The following DYNC2I2 variants were observed in gnomAD, a reference collection of about 807,000 sequenced individuals.
DYNC2I2 encodes the protein cytoplasmic dynein 2 intermediate chain 2.
In DYNC2I2, 39 loss-of-function variants were observed where a neutral mutation model predicts 52.0. The ratio of observed to expected loss-of-function variants is 0.75; its 90% CI spans 0.58 to 0.98. The LOEUF (loss-of-function observed/expected upper bound fraction) is 0.98. DYNC2I2 is among the 50% of genes least tolerant of loss of function. DYNC2I2 has a pLI of 0.00. For missense variants in DYNC2I2, 743 were observed against 728.4 expected (o/e 1.02, Z -0.23); for synonymous variants, 359 against 321.1 (o/e 1.12, Z -1.26).
the DYNC2I2 span, among the ~76,000 whole-genome samples, chr9:128,680,652 C>T: frequency 6.6e-6 from 1 of 151,820 alleles, no homozygotes; most frequent in Non-Finnish European, 1.5e-5. Context: ...GCTGGGATTA[C>T]AGGTGTGAGC....
intron 1 of DYNC2I2, among the ~76,000 whole-genome samples, chr9:128,652,389 G>A (rs534304538): frequency 7.1e-6 from 1 of 141,164 alleles, no homozygotes; most frequent in Non-Finnish European, 1.5e-5. Flanking sequence ...CTGAGATCAT[G>A]CCATTAAACT....
At chr9:128,653,398 CG>C (rs1218529604) in intron 1 of DYNC2I2, among the ~76,000 whole-genome samples, 5 of 150,526 alleles carry the variant, frequency 3.3e-5, no homozygotes, top group African/African-American at 5.0e-5. Flanking sequence ...GCCAATATGG[CG>C]AAACCCCGTC....
chr9:128,646,061 G>T (rs1433441608), intron 1 of DYNC2I2, among the ~76,000 whole-genome samples: 2 of 152,208 alleles, frequency 1.3e-5, no homozygotes, highest in African/African-American at 4.8e-5. Context: ...TGGCTCATGA[G>T]GTTTAAGGGA....
At chr9:128,680,777 T>C in the DYNC2I2 span, among the ~76,000 whole-genome samples, 1 of 150,602 alleles carries the variant, frequency 6.6e-6, no homozygotes, top group East Asian at 2.0e-4. Flanking sequence ...TGGGTTCAAG[T>C]AATTCTCCTG....
At chr9:128,675,442 A>G in the DYNC2I2 span, among the ~76,000 whole-genome samples, 1 of 152,114 alleles carries the variant, frequency 6.6e-6, no homozygotes, top group Non-Finnish European at 1.5e-5. Flanking sequence ...AGCTTCCCAA[A>G]GTGCTGGGAT....
At position 128,640,748 on chromosome 9, in the gene DYNC2I2, A is replaced by G. The variant is rs1860498550; in HGVS notation, c.378T>C (p.Asn126=). 2 of 1,614,146 alleles carry G rather than the reference A, an allele frequency of 1.2e-6. No homozygotes were observed. The highest frequency in any genetic ancestry group is 1.7e-6 in the Non-Finnish European group (2 of 1,180,020). Residue 126 remains asparagine (N), a synonymous_variant, in exon 2 of 9, where the codon AAT becomes AAC. Transcript: ENST00000372715. ...EAMVIRELNK[N]WQSHAFDGFE... ...AGCCATCAAACGCGTGGCTCTGCCA[A>G]TTCTTGTTCAGCTCTCGGATGACCA... is the stretch of plus-strand genomic sequence containing the variant.
At chr9:128,683,904 T>G in the DYNC2I2 span, 1 of 1,552,030 alleles carries the variant, frequency 6.4e-7, no homozygotes, top group African/African-American at 1.4e-5. Flanking sequence ...GCATGGCCCC[T>G]AAACGCCAGT....
At position 128,640,895 on chromosome 9, in the gene DYNC2I2, G is replaced by A. The variant is rs777826683; in HGVS notation, c.231C>T (p.Ala77=). 6.2e-7 allele frequency: 1 copy of A among 1,608,540 alleles called. No individual in the cohort carries two copies. Among genetic ancestry groups the A allele is most frequent in the South Asian group, 1.1e-5 (1 of 90,788 alleles). The change falls in exon 2 of 9, where the codon GCC becomes GCT. Residue 77 remains alanine (A), a synonymous_variant. Coordinates refer to ENST00000372715, the MANE Select transcript of DYNC2I2 (RefSeq NM_052844.4). The part of the protein sequence containing the change: ...TASIATASAS[A]QARNHVDAQV... ...GGGCGTCCACATGATTCCTGGCCTG[G>A]GCGGATGCACTGGCAGTGGCAATGC...
the DYNC2I2 span, among the ~76,000 whole-genome samples, chr9:128,668,883 T>C: frequency 2.6e-5 from 4 of 151,172 alleles, no homozygotes; most frequent in Non-Finnish European, 5.9e-5. Flanking sequence ...AATAAAATAC[T>C]TACCGGGACA....
chr9:128,674,369 C>T, the DYNC2I2 span, among the ~76,000 whole-genome samples: 16 of 151,322 alleles, frequency 1.1e-4, no homozygotes, highest in South Asian at 3.3e-3. Flanking sequence ...TTCCTGACCT[C>T]GTGATCCGCC....
At position 128,636,007 on chromosome 9, in the gene DYNC2I2, C is replaced by A. The variant is rs573444962; in HGVS notation, c.704-240G>T. ...CAGCTCCCTCCAGCGTTGCCTGCCC[C>A]CTACCACTGACGGCTTCCCAAGGGC... On this transcript the variant is annotated intron_variant, in intron 4 of 8. Transcript: ENST00000372715. 4.6e-3 allele frequency: 3,174 copies of A among 690,250 alleles called. 42 individuals are homozygous for A. In the Middle Eastern group the frequency reaches 0.048, roughly 10 times the overall value. The allele number at this position is 690,250 out of a possible 1,614,324, so 42.8% of individuals were successfully genotyped here.
chr9:128,655,591 G>C lies in DYNC2I2; in HGVS notation c.186+950C>G, dbSNP rs1342277374. On this transcript the variant is annotated intron_variant, in intron 1 of 8. Coordinates refer to ENST00000372715, the MANE Select transcript of DYNC2I2 (RefSeq NM_052844.4). ...CTACTACACTCCAGCCTGGGCGACA[G>C]AGTGAGACTCTGTCTCAAAAAAAAG... 3.4e-5 allele frequency among the ~76,000 whole-genome samples: 5 copies of C among 147,740 alleles called. No individual in the cohort carries two copies. The South Asian group carries it at 8.6e-4, about 25-fold the overall frequency.
At chr9:128,661,176 T>A (rs1439006593), upstream of DYNC2I2, among the ~76,000 whole-genome samples, 1 of 149,518 alleles carries the variant, frequency 6.7e-6, no homozygotes, top group Non-Finnish European at 1.5e-5. Context: ...ACCCTGTCTC[T>A]ACTAAAAATA....
chr9:128,636,329 C>T lies in DYNC2I2; in HGVS notation c.655G>A (p.Ala219Thr), dbSNP rs767406769. 18 of 1,596,090 alleles carry T rather than the reference C, an allele frequency of 1.1e-5. No homozygotes were observed. Among genetic ancestry groups the T allele is most frequent in the Admixed American group, 1.7e-5 (1 of 57,342 alleles). The change falls in exon 4 of 9, where the codon GCT becomes ACT. Residue 219 changes from alanine to threonine, a missense_variant. Ala to Thr is a moderately conservative substitution (Grantham distance 58, BLOSUM62 0). Coordinates refer to ENST00000372715, the MANE Select transcript of DYNC2I2 (RefSeq NM_052844.4). ...QPSAVVEVPS[A>T]VLCLAFHPTQ... is the part of the protein sequence containing the mutation. ...GGGTGGAAGGCCAGACACAGGACAG[C>T]GCTGGGGACCTCCACCACGGCCGAC...
At position 128,656,733 on chromosome 9, in the gene DYNC2I2, G is replaced by T. The variant is rs763066546; in HGVS notation, c.-7C>A. Reference sequence around the variant, plus strand: ...GCTGCGCGCGGGTTGCCATGGAGACGGTTCCGCCCTCTCGTGCGGACGCAC... The same window carrying T: ...GCTGCGCGCGGGTTGCCATGGAGACTGTTCCGCCCTCTCGTGCGGACGCAC... On this transcript the variant is annotated 5_prime_UTR_variant, in exon 1 of 9. Transcript: ENST00000372715. 1.4e-6 allele frequency: 2 copies of T among 1,386,086 alleles called. No individual in the cohort carries two copies. The highest frequency in any genetic ancestry group is 3.0e-5 in the African/African-American group (2 of 66,608). 85.9% of individuals were successfully genotyped at this position (1,386,086 alleles called of 1,614,324 possible).
the DYNC2I2 span, among the ~76,000 whole-genome samples, chr9:128,675,719 G>A: frequency 1.3e-5 from 2 of 152,142 alleles, no homozygotes; most frequent in Non-Finnish European, 2.9e-5. Flanking sequence ...CTGGCCTTGG[G>A]GTTATGGAAC....
chr9:128,654,374 T>A (rs1214009183), intron 1 of DYNC2I2, among the ~76,000 whole-genome samples: 1 of 152,146 alleles, frequency 6.6e-6, no homozygotes, highest in African/African-American at 2.4e-5. Context: ...CAGCACCCAA[T>A]GCTGCTCATT....
chr9:128,647,293 T>A (rs1860633101), intron 1 of DYNC2I2, among the ~76,000 whole-genome samples: 1 of 152,068 alleles, frequency 6.6e-6, no homozygotes, highest in South Asian at 2.1e-4. Flanking sequence ...AGTGTGTGAC[T>A]AGCAAGAGGG....
chr9:128,678,966 G>C, the DYNC2I2 span, among the ~76,000 whole-genome samples: 4 of 152,132 alleles, frequency 2.6e-5, no homozygotes, highest in Non-Finnish European at 4.4e-5. Flanking sequence ...CCACTTGTAA[G>C]GCTGAGCCAG....
Sources: allele counts gnomAD v4.1 joint callset (sites outside exome capture counted in the v4.1 genomes callset), GRCh38; gene constraint gnomAD v4.1.1; transcripts MANE v1.5; gene names NCBI Gene and HGNC (gene_info 2026-07-23, HGNC 2026-07-21).